The following NKD1 variants were observed in gnomAD, a reference collection of about 807,000 sequenced individuals.
The protein encoded by NKD1 is protein naked cuticle homolog 1.
Under a neutral mutation model 56.0 loss-of-function variants are expected in NKD1, and 21 were observed. The observed-to-expected ratio is 0.38, with a 90% CI of 0.27 to 0.54. NKD1 has a LOEUF of 0.54. NKD1 is among the 20% of genes least tolerant of loss of function. The pLI, the probability that NKD1 is intolerant of heterozygous loss-of-function variation, is 0.82. For missense variants in NKD1, 578 were observed against 642.7 expected (o/e 0.90, Z 1.09); for synonymous variants, 263 against 265.7 (o/e 0.99, Z 0.10).
At position 50,598,301 on chromosome 16, in the gene NKD1, C is replaced by A. The variant is rs559423547; in HGVS notation, c.193-9993C>A. Among the ~76,000 whole-genome samples, 1 of 150,782 alleles carries A rather than the reference C, an allele frequency of 6.6e-6. No homozygotes were observed. The highest frequency in any genetic ancestry group is 2.5e-5 in the African/African-American group (1 of 40,652). ...TGCTCATGGACACTCTTGTCCTGTC[C>A]GTAAAATGAGGCCTCAGGGTATAGG... On this transcript the variant is annotated intron_variant, in intron 3 of 9. Coordinates refer to ENST00000268459, the MANE Select transcript of NKD1 (RefSeq NM_033119.5). The surrounding 1 kb of genome is among the most constrained non-coding windows in gnomAD (Gnocchi z 4.2).
At chr16:50,617,354 A>G (rs1010696179) in intron 4 of NKD1, among the ~76,000 whole-genome samples, 2 of 146,024 alleles carry the variant, frequency 1.4e-5, no homozygotes, top group Non-Finnish European at 2.9e-5. Context: ...GCGGAGGAAA[A>G]AAGTCTGTTC....
chr16:50,616,257 AG>A (rs1961958225), intron 4 of NKD1: 1 of 338,534 alleles, frequency 3.0e-6, no homozygotes, highest in African/African-American at 2.1e-5. Context: ...AGGCTAAGAG[AG>A]GGGTCTGCCA....
chr16:50,581,609 C>T (rs1961117712), intron 3 of NKD1, among the ~76,000 whole-genome samples: 1 of 152,208 alleles, frequency 6.6e-6, no homozygotes, highest in Non-Finnish European at 1.5e-5. Flanking sequence ...TTTGTGGGAC[C>T]CCTGCCACTT....
intron 3 of NKD1, chr16:50,607,868 A>C: frequency 5.4e-6 from 1 of 185,892 alleles, no homozygotes; most frequent in Non-Finnish European, 1.1e-5. Flanking sequence ...TTGACATCCT[A>C]GAAATTTCCC....
intron 3 of NKD1, chr16:50,557,670 A>T (rs1432260422): frequency 6.6e-6 from 1 of 152,222 alleles, no homozygotes; most frequent in Non-Finnish European, 1.5e-5. Context: ...TTCCTAGTGC[A>T]ACCTTCTTGG....
chr16:50,601,349 G>A (rs1167374624), intron 3 of NKD1, among the ~76,000 whole-genome samples: 3 of 144,800 alleles, frequency 2.1e-5, no homozygotes, highest in Non-Finnish European at 3.0e-5. Context: ...AGCAAAGGCC[G>A]TTTAGTGGCT....
intron 4 of NKD1, among the ~76,000 whole-genome samples, chr16:50,610,912 C>A (rs564516326): frequency 6.6e-6 from 1 of 152,214 alleles, no homozygotes; most frequent in East Asian, 1.9e-4. Flanking sequence ...GCTGGCTGGG[C>A]GTGGCAGGGC....
intron 3 of NKD1, among the ~76,000 whole-genome samples, chr16:50,578,991 G>A (rs1249303233): frequency 4.6e-5 from 7 of 152,174 alleles, no homozygotes; most frequent in African/African-American, 1.7e-4. Flanking sequence ...TTGTGCATGT[G>A]TTCCTGCTAC....
At chr16:50,575,003 G>T (rs190249014) in intron 3 of NKD1, 1 of 984,936 alleles carries the variant, frequency 1.0e-6, no homozygotes, top group Non-Finnish European at 1.2e-6. Context: ...CTCACAGCTT[G>T]ATTTAATACA....
At chr16:50,568,148 T>C (rs1029781841) in intron 3 of NKD1, among the ~76,000 whole-genome samples, 20 of 152,124 alleles carry the variant, frequency 1.3e-4, no homozygotes, top group African/African-American at 4.1e-4. Flanking sequence ...TGGGAGTGGG[T>C]GACATGAATT....
intron 3 of NKD1, chr16:50,552,360 A>G (rs2151261438): frequency 6.6e-6 from 1 of 152,368 alleles, no homozygotes; most frequent in South Asian, 2.1e-4. Flanking sequence ...GTGCCAGGGC[A>G]TCCGCCTGGA....
intron 3 of NKD1, among the ~76,000 whole-genome samples, chr16:50,585,030 T>TC (rs1175567425): frequency 1.3e-5 from 2 of 152,092 alleles, no homozygotes; most frequent in African/African-American, 4.8e-5. Context: ...TCCTCAGGAG[T>TC]CCGAGTGCTG....
At chr16:50,631,757 A>G (rs1225302479) in intron 8 of NKD1, among the ~76,000 whole-genome samples, 2 of 151,992 alleles carry the variant, frequency 1.3e-5, no homozygotes, top group Admixed American at 6.6e-5. Context: ...CCACCCCTCC[A>G]TGCACACTGT....
chr16:50,558,354 C>G (rs1253926153), intron 3 of NKD1: 1 of 152,088 alleles, frequency 6.6e-6, no homozygotes, highest in Non-Finnish European at 1.5e-5. Context: ...CAACATTGTG[C>G]CTAATACTTT....
chr16:50,607,523 T>G (rs1228030259), intron 3 of NKD1: 1 of 157,294 alleles, frequency 6.4e-6, no homozygotes, highest in African/African-American at 2.4e-5. Context: ...CCCTTGTCTG[T>G]CCTCCCATAA....
In NKD1 at chr16:50,623,611, G is replaced by A. The variant is rs530648087; in HGVS notation, c.367-1874G>A. On this transcript the variant is annotated intron_variant, in intron 5 of 9. Coordinates refer to ENST00000268459, the MANE Select transcript of NKD1 (RefSeq NM_033119.5). The surrounding 1 kb of genome is among the most constrained non-coding windows in gnomAD (Gnocchi z 4.1). Reference sequence around the variant, plus strand: ...GACTCAACTGAGCTGAGAAGCCCAGGTGGGGTGTGGGAGAGGCCTAGGAGA... The same window carrying A: ...GACTCAACTGAGCTGAGAAGCCCAGATGGGGTGTGGGAGAGGCCTAGGAGA... Among the ~76,000 whole-genome samples the A allele has an allele frequency of 2.0e-5, 3 of 152,238 alleles. No homozygotes were observed. The highest frequency in any genetic ancestry group is 2.9e-5 in the Non-Finnish European group (2 of 68,012).
chr16:50,642,317 AG>A lies in NKD1; in HGVS notation c.*8538del, dbSNP rs1479815835. 1 of 152,266 alleles carries A rather than the reference AG, an allele frequency of 6.6e-6. No homozygotes were observed. The highest frequency in any genetic ancestry group is 1.5e-5 in the Non-Finnish European group (1 of 68,060). 9.4% of individuals were successfully genotyped at this position (152,266 alleles called of 1,614,324 possible). A position where few individuals can be genotyped will look rare whatever the true frequency, so the allele number is the denominator to read the frequency against. On this transcript the variant is annotated 3_prime_UTR_variant, in exon 10 of 10. Transcript: ENST00000268459. Reference sequence around the variant, plus strand: ...CTGGTCCTTGCCCATCTGCAGGTCCAGGAAGATGTGGCCCCAAATTCTCTGG... The same window carrying A: ...CTGGTCCTTGCCCATCTGCAGGTCCAGAAGATGTGGCCCCAAATTCTCTGG...
chr16:50,618,726 A>AG (rs1455221974), intron 4 of NKD1, among the ~76,000 whole-genome samples: 1 of 152,102 alleles, frequency 6.6e-6, no homozygotes, highest in East Asian at 1.9e-4. Context: ...CCATGCTGGG[A>AG]GGGGCCCCTG....
chr16:50,589,781 C>T lies in NKD1; in HGVS notation c.193-18513C>T, dbSNP rs905431351. Among the ~76,000 whole-genome samples the T allele has an allele frequency of 4.4e-4, 45 of 103,142 alleles. 2 individuals carry two copies. Among genetic ancestry groups the T allele is most frequent in the African/African-American group, 1.3e-3 (33 of 25,532 alleles). 67.7% of individuals were successfully genotyped at this position (103,142 alleles called of 152,430 possible). A position where few individuals can be genotyped will look rare whatever the true frequency, so the allele number is the denominator to read the frequency against. On this transcript the variant is annotated intron_variant, in intron 3 of 9. Coordinates refer to ENST00000268459, the MANE Select transcript of NKD1 (RefSeq NM_033119.5). ...TCTCTTCTCTCCTCTCCTCTCCTCTCCTCTCCTCTCCTCTCCTCTCCTCTC... is the reference window on the plus strand; with the variant it reads ...TCTCTTCTCTCCTCTCCTCTCCTCTTCTCTCCTCTCCTCTCCTCTCCTCTC...
Sources: allele counts gnomAD v4.1 joint callset (sites outside exome capture counted in the v4.1 genomes callset), GRCh38; gene constraint gnomAD v4.1.1; non-coding constraint Gnocchi (gnomAD v3.1); transcripts MANE v1.5; gene names NCBI Gene and HGNC (gene_info 2026-07-23, HGNC 2026-07-21).